Variants in SAMMSON observed in about 807,000 individuals in gnomAD.
SAMMSON encodes the protein long intergenic non-protein coding RNA 1212.
At chr3:70,416,745 C>G (rs1468326600) in intron 2 of SAMMSON, among the ~76,000 whole-genome samples, 1 of 152,076 alleles carries the variant, frequency 6.6e-6, no homozygotes, top group Non-Finnish European at 1.5e-5. Context: ...ATATCACCAG[C>G]ATGAACCCCT....
chr3:70,120,181 A>C (rs973250416), intron 4 of SAMMSON: 2 of 152,234 alleles, frequency 1.3e-5, no homozygotes, highest in African/African-American at 2.4e-5. Context: ...AACAGTTCAA[A>C]GAGGTAAGAG....
At chr3:70,297,949 T>A (rs1287223300) in intron 7 of SAMMSON, among the ~76,000 whole-genome samples, 1 of 152,158 alleles carries the variant, frequency 6.6e-6, no homozygotes, top group Non-Finnish European at 1.5e-5. Flanking sequence ...GGTCTCTTAC[T>A]CTTTGCTAAT....
chr3:70,081,776 T>C (rs929751158), intron 4 of SAMMSON, among the ~76,000 whole-genome samples: 1 of 152,206 alleles, frequency 6.6e-6, no homozygotes, highest in African/African-American at 2.4e-5. Context: ...CAAAGTACAA[T>C]GAACAATCAA....
At chr3:70,026,315 G>T (rs1360476961) in intron 3 of SAMMSON, among the ~76,000 whole-genome samples, 1 of 152,138 alleles carries the variant, frequency 6.6e-6, no homozygotes, top group East Asian at 1.9e-4. Flanking sequence ...TTGAATATAA[G>T]ACAGTTTGAA....
intron 6 of SAMMSON, among the ~76,000 whole-genome samples, chr3:70,284,888 G>T (rs1385500423): frequency 2.6e-5 from 4 of 152,046 alleles, no homozygotes; most frequent in Non-Finnish European, 5.9e-5. Flanking sequence ...ATGTACCCCT[G>T]AACTGAAAAT....
At chr3:70,171,617 G>GT (rs1179683616) in intron 4 of SAMMSON, among the ~76,000 whole-genome samples, 1 of 33,074 alleles carries the variant, frequency 3.0e-5, no homozygotes, top group African/African-American at 8.9e-5. Context: ...ACAGTCTTTG[G>GT]GGGGGGGAGC....
chr3:70,334,153 G>T (rs1222949527), intron 7 of SAMMSON, among the ~76,000 whole-genome samples: 1 of 152,134 alleles, frequency 6.6e-6, no homozygotes, highest in Non-Finnish European at 1.5e-5. Context: ...AATCATAGTT[G>T]AAGATAACAT....
At chr3:70,377,781 G>A (rs2106749844) in intron 9 of SAMMSON, among the ~76,000 whole-genome samples, 1 of 152,156 alleles carries the variant, frequency 6.6e-6, no homozygotes, top group South Asian at 2.1e-4. Context: ...AATTAGGTGA[G>A]CAAAAGGCAA....
At chr3:70,022,426 C>CAA (rs60455629) in intron 3 of SAMMSON, among the ~76,000 whole-genome samples, 22 of 91,116 alleles carry the variant, frequency 2.4e-4, no homozygotes, top group Admixed American at 4.8e-4. Context: ...AGTATAATAA[C>CAA]AAAAAAAAAA....
intron 6 of SAMMSON, among the ~76,000 whole-genome samples, chr3:70,253,958 T>C (rs1374364964): frequency 3.9e-5 from 6 of 152,184 alleles, no homozygotes; most frequent in Non-Finnish European, 8.8e-5. Flanking sequence ...CCTAGTATGC[T>C]CTGTGGCATA....
At chr3:70,087,644 G>C (rs2067290711) in intron 4 of SAMMSON, among the ~76,000 whole-genome samples, 2 of 152,264 alleles carry the variant, frequency 1.3e-5, no homozygotes, top group East Asian at 1.9e-4. Context: ...AGAGAAGGAA[G>C]GCTTTCCCAT....
chr3:70,147,111 A>G (rs2067552203), intron 4 of SAMMSON, among the ~76,000 whole-genome samples: 1 of 152,020 alleles, frequency 6.6e-6, no homozygotes, highest in African/African-American at 2.4e-5. Context: ...ATCTGACAAA[A>G]CATCCTTAAA....
intron 4 of SAMMSON, among the ~76,000 whole-genome samples, chr3:70,207,367 T>C (rs966195712): frequency 1.1e-4 from 17 of 152,116 alleles, no homozygotes; most frequent in Non-Finnish European, 2.5e-4. Context: ...ATTCAGGTGA[T>C]AGCCTGTATG....
chr3:70,244,797 C>A (rs143536489), intron 4 of SAMMSON, among the ~76,000 whole-genome samples: 6 of 152,186 alleles, frequency 3.9e-5, no homozygotes, highest in Non-Finnish European at 8.8e-5. Flanking sequence ...CATACACATA[C>A]GTCTCTATGT....
intron 2 of SAMMSON, among the ~76,000 whole-genome samples, chr3:70,418,481 T>C (rs1701282909): frequency 6.6e-6 from 1 of 152,330 alleles, no homozygotes; most frequent in African/African-American, 2.4e-5. Context: ...ATCCAGCCCA[T>C]CCTGAGTTTC....
chr3:70,430,124 A>G (rs544640946), intron 2 of SAMMSON, among the ~76,000 whole-genome samples: 1 of 152,206 alleles, frequency 6.6e-6, no homozygotes, highest in South Asian at 2.1e-4. Context: ...ATCTCTTGTT[A>G]TTTTGAGATA....
intron 6 of SAMMSON, chr3:70,272,321 T>A (rs1178455225): frequency 6.6e-6 from 1 of 152,230 alleles, no homozygotes; most frequent in East Asian, 1.9e-4. Flanking sequence ...GCAATCACTT[T>A]CTGCTACTAT....
intron 4 of SAMMSON, chr3:70,126,667 G>T (rs1387601216): frequency 3.4e-6 from 1 of 292,604 alleles, no homozygotes; most frequent in Non-Finnish European, 6.5e-6. Context: ...GATTAATTGT[G>T]AAAAGCTGGG....
rs541223799 is a variant in SAMMSON at position 70,322,210 on chromosome 3, G to C, written n.739+30967G>C. On this transcript the variant is annotated intron_variant and non_coding_transcript_variant, in intron 7 of 9. Coordinates refer to ENST00000642114, the Ensembl canonical transcript of SAMMSON. ...CTTTTGCTAAATTCTTAACAATTTT[G>C]TGAAATAATTATGTAAACTAATAGA... Among the ~76,000 whole-genome samples the C allele has an allele frequency of 1.4e-4, 22 of 152,170 alleles. No individual in the cohort carries two copies. In the South Asian group the frequency reaches 4.4e-3, roughly 30 times the overall value.
Sources: gnomAD v4.1 joint callset for allele counts (sites outside exome capture counted in the v4.1 genomes callset) on GRCh38, gnomAD v4.1.1 for gene constraint, MANE v1.5 for transcripts, NCBI Gene and HGNC (gene_info 2026-07-23, HGNC 2026-07-21) for gene names.